Variants in ZNF615 observed in about 807,000 individuals in gnomAD.
ZNF615 encodes the protein zinc finger protein 615.
ZNF615 carries 15 observed loss-of-function variants against 15.3 expected under a neutral mutation model. The observed-to-expected ratio is 0.98, with a 90% confidence interval of 0.66 to 1.51. The LOEUF (loss-of-function observed/expected upper bound fraction) is 1.51. ZNF615 is among the 40% of genes most tolerant of loss of function. The pLI, the probability that ZNF615 is intolerant of heterozygous loss-of-function variation, is 0.00. For missense variants in ZNF615, 848 were observed against 895.9 expected (o/e 0.95, Z 0.68); for synonymous variants, 268 against 294.6 (o/e 0.91, Z 0.92).
Position 51,993,575 on chromosome 19 carries a change from C to T in ZNF615, c.1534G>A (p.Val512Met), listed in dbSNP as rs201982256. ...KGFTVKSRLI[V>M]HQRTHTGEKP... is the part of the protein sequence containing the mutation. The stretch of plus-strand genomic sequence containing the variant: ...TCTCCAGTATGAGTTCGCTGATGCA[C>T]AATAAGGCGGCTCTTCACAGTGAAG... Residue 512 changes from valine (V) to methionine (M), a missense_variant, in exon 7 of 7, where the codon GTG becomes ATG. Val to Met is a conservative substitution (Grantham distance 21, BLOSUM62 1). Transcript: ENST00000598071. 15 of 1,613,628 alleles carry T rather than the reference C, an allele frequency of 9.3e-6. No individual in the cohort carries two copies. The highest frequency in any genetic ancestry group is 5.0e-5 in the Admixed American group (3 of 59,942).
rs988101074 is a variant in ZNF615 at position 52,007,398 on chromosome 19, A to G, written c.-227-68T>C. On this transcript the variant is annotated intron_variant, in intron 1 of 6. Transcript: ENST00000598071. The stretch of plus-strand genomic sequence containing the variant: ...ACAAAGGGTAGAAGCCGCATCTTAA[A>G]TATAAAACATACTACTTTTAGGTAT... 10 of 928,764 alleles carry G rather than the reference A, an allele frequency of 1.1e-5. No homozygotes were observed. In the African/African-American group the frequency reaches 1.6e-4, roughly 15 times the overall value. 57.5% of individuals were successfully genotyped at this position (928,764 alleles called of 1,614,324 possible).
chr19:51,993,921 GTTC>G lies in ZNF615; in HGVS notation c.1185_1187del (p.Lys395del), dbSNP rs759587654. On this transcript the variant is annotated inframe_deletion, in exon 7 of 7. Coordinates refer to ENST00000598071, the MANE Select transcript of ZNF615 (RefSeq NM_001199324.2). ...GAGTTTGCTGATGTGTGATAAGACTGTTCTTCAAGGTGAAGCCTTTCCCACATT... is the reference window on the plus strand; with the variant it reads ...GAGTTTGCTGATGTGTGATAAGACTGTTCAAGGTGAAGCCTTTCCCACATT... The G allele has an allele frequency of 1.2e-6, 2 of 1,614,116 alleles. No homozygotes were observed.
chr19:52,006,695 C>T (rs951536456), intron 2 of ZNF615, among the ~76,000 whole-genome samples: 2 of 152,090 alleles, frequency 1.3e-5, no homozygotes, highest in African/African-American at 4.8e-5. Flanking sequence ...TGGATGAATA[C>T]TTAGAAAACC....
chr19:51,997,966 CTT>C, intron 6 of ZNF615, among the ~76,000 whole-genome samples: 1 of 152,088 alleles, frequency 6.6e-6, no homozygotes, highest in East Asian at 1.9e-4. Context: ...TCTTTCTATA[CTT>C]TTTATCTTTG....
chr19:51,994,979 A>T (rs1370983869), intron 6 of ZNF615, 142 bp from the exon 7 acceptor site: 2 of 860,904 alleles, frequency 2.3e-6, no homozygotes, highest in African/African-American at 3.5e-5. Context: ...GTGAGCAATA[A>T]AGCTTTTTAA....
Position 51,992,983 on chromosome 19 carries a change from T to G in ZNF615, c.2126A>C (p.His709Pro). Residue 709 changes from histidine (H) to proline (P), a missense_variant, in exon 7 of 7, where the codon CAT becomes CCT. His to Pro is a moderately conservative substitution (Grantham distance 77). Transcript: ENST00000598071. ...CCTCTCTCCTGTATGTTTTCTTTGA[T>G]GAACATTGAGCCCTGATTTTGTAGT... Reference protein sequence around the residue: ...AFTTKSGLNVHQRKHTGERPY... With the variant: ...AFTTKSGLNVPQRKHTGERPY... 6.2e-7 allele frequency: 1 copy of G among 1,614,230 alleles called. No homozygotes were observed. The highest frequency in any genetic ancestry group is 8.5e-7 in the Non-Finnish European group (1 of 1,180,034).
chr19:51,993,608 C>T lies in ZNF615; in HGVS notation c.1501G>A (p.Gly501Arg). ...CGGCTCTTCACAGTGAAGCCTTTTC[C>T]ACAATCATTGCATATATATGGCTTC... ...AEKPYICNDC[G>R]KGFTVKSRLI... The change falls in exon 7 of 7, where the codon GGA becomes AGA. Residue 501 changes from glycine (G) to arginine (R), a missense_variant. Transcript: ENST00000598071. 1 of 1,614,072 alleles carries T rather than the reference C, an allele frequency of 6.2e-7. No individual in the cohort carries two copies. The highest frequency in any genetic ancestry group is 8.5e-7 in the Non-Finnish European group (1 of 1,179,994).
At position 51,993,303 on chromosome 19, in the gene ZNF615, A is replaced by C. The variant is rs1363460988; in HGVS notation, c.1806T>G (p.Thr602=). The C allele has an allele frequency of 1.2e-6, 2 of 1,613,974 alleles. No homozygotes were observed. The highest frequency in any genetic ancestry group is 2.7e-5 in the African/African-American group (2 of 74,898). The change falls in exon 7 of 7, where the codon ACT becomes ACG. Residue 602 remains threonine (T), a synonymous_variant. Coordinates refer to ENST00000598071, the MANE Select transcript of ZNF615 (RefSeq NM_001199324.2). ...SMLIAHQRTH[T]GEKPYICNEC... is the part of the protein sequence containing the mutation. ...CATTGCATATATAAGGTTTCTCCCC[A>C]GTATGAGTTCGCTGATGTGCAATGA...
chr19:52,004,835 G>A (rs8109964), intron 2 of ZNF615: 63,415 of 152,096 alleles, frequency 0.42, 15,235 homozygotes, highest in African/African-American at 0.65. Flanking sequence ...TCCAGTGTAA[G>A]CAGAGGAGCA....
chr19:51,993,287 T>A lies in ZNF615; in HGVS notation c.1822A>T (p.Ile608Leu), dbSNP rs2086294356. The change falls in exon 7 of 7, where the codon ATA (isoleucine) becomes TTA (leucine). Residue 608 changes from isoleucine (I) to leucine (L), a missense_variant. Coordinates refer to ENST00000598071, the MANE Select transcript of ZNF615 (RefSeq NM_001199324.2). The stretch of plus-strand genomic sequence containing the variant: ...AAGCCCTTTCCACATTCATTGCATA[T>A]ATAAGGTTTCTCCCCAGTATGAGTT... ...QRTHTGEKPY[I>L]CNECGKGFTM... 1 of 1,614,156 alleles carries A rather than the reference T, an allele frequency of 6.2e-7. No individual in the cohort carries two copies. Among genetic ancestry groups the A allele is most frequent in the Non-Finnish European group, 8.5e-7 (1 of 1,180,024 alleles).
Position 52,008,155 on chromosome 19 carries a change from T to A in ZNF615, c.-242A>T, listed in dbSNP as rs1459360585. 2.6e-6 allele frequency: 4 copies of A among 1,535,428 alleles called. No homozygotes were observed. In the East Asian group the frequency reaches 9.8e-5, roughly 38 times the overall value. Reference sequence around the variant, plus strand: ...ACTGAACTTACTTCCCAGAACTTGGTGGGCTCCGGCCTCATCTCTCGGCCT... The same window carrying A: ...ACTGAACTTACTTCCCAGAACTTGGAGGGCTCCGGCCTCATCTCTCGGCCT... On this transcript the variant is annotated 5_prime_UTR_variant, in exon 1 of 7. Transcript: ENST00000598071.
At position 51,993,506 on chromosome 19, in the gene ZNF615, T is replaced by G. The variant is rs1231482297; in HGVS notation, c.1603A>C (p.Lys535Gln). 1 of 1,613,888 alleles carries G rather than the reference T, an allele frequency of 6.2e-7. No homozygotes were observed. The highest frequency in any genetic ancestry group is 1.7e-5 in the Admixed American group (1 of 59,978). The change falls in exon 7 of 7, where the codon AAG (lysine) becomes CAG (glutamine). Residue 535 changes from lysine to glutamine, a missense_variant. Coordinates refer to ENST00000598071, the MANE Select transcript of ZNF615 (RefSeq NM_001199324.2). Reference protein sequence around the residue: ...CGECGKGFPAKIRLMGHQRTH... With the variant: ...CGECGKGFPAQIRLMGHQRTH... ...CGTTGATGTCCCATTAGCCGGATCT[T>G]TGCTGGAAAGCCTTTTCCACACTCA... is the stretch of plus-strand genomic sequence containing the variant.
intron 3 of ZNF615, among the ~76,000 whole-genome samples, chr19:52,003,212 ATGT>A (rs1251726551): frequency 1.3e-5 from 2 of 152,208 alleles, no homozygotes; most frequent in African/African-American, 4.8e-5. Flanking sequence ...ATATATGTGT[ATGT>A]TATTAGACAG....
At chr19:51,999,000 A>G (rs2086519149) in intron 6 of ZNF615, among the ~76,000 whole-genome samples, 1 of 152,212 alleles carries the variant, frequency 6.6e-6, no homozygotes, top group Non-Finnish European at 1.5e-5. Context: ...AAGAAACATG[A>G]TTAACTGGGA....
chr19:52,000,466 G>C, intron 5 of ZNF615, 88 bp from the exon 6 acceptor site: 1 of 529,848 alleles, frequency 1.9e-6, no homozygotes, highest in South Asian at 3.0e-5. Flanking sequence ...GAGGGAAGAT[G>C]ATTCTTGTTC....
rs1289624258 is a variant in ZNF615 at position 51,993,227 on chromosome 19, T to G, written c.1882A>C (p.Thr628Pro). The G allele has an allele frequency of 1.2e-6, 2 of 1,614,208 alleles. No individual in the cohort carries two copies. The highest frequency in any genetic ancestry group is 8.5e-7 in the Non-Finnish European group (1 of 1,180,034). The change falls in exon 7 of 7, where the codon ACT (threonine) becomes CCT (proline). Residue 628 changes from threonine (T) to proline (P), a missense_variant. By Grantham distance (38) the Thr-to-Pro change is conservative (BLOSUM62 -1). Coordinates refer to ENST00000598071, the MANE Select transcript of ZNF615 (RefSeq NM_001199324.2). ...MKSTLSIHQQ[T>P]HTGEKPYKCN... ...TTGTATGGCTTCTCTCCAGTATGAG[T>G]TTGCTGATGTATACTGAGAGTACTC...
In ZNF615 at chr19:52,003,403, C is replaced by G. The variant is rs563073468; in HGVS notation, c.15+294G>C. ...CATTAACATCCCTCAAGAAACTGGT[C>G]TGCTTTCTCACAGTTGATATAACTT... is the stretch of plus-strand genomic sequence containing the variant. On this transcript the variant is annotated intron_variant, in intron 3 of 6. Transcript: ENST00000598071. 9.2e-5 allele frequency among the ~76,000 whole-genome samples: 14 copies of G among 152,254 alleles called. No homozygotes were observed. In the East Asian group the frequency reaches 2.7e-3, roughly 29 times the overall value.
chr19:51,999,865 A>G (rs942876268), intron 6 of ZNF615, among the ~76,000 whole-genome samples: 7 of 152,252 alleles, frequency 4.6e-5, no homozygotes, highest in Non-Finnish European at 1.0e-4. Flanking sequence ...CAGCATGTAG[A>G]AAACACTTAA....
At position 51,993,086 on chromosome 19, in the gene ZNF615, T is replaced by G; in HGVS notation, c.2023A>C (p.Lys675Gln). ...CTCTGATGTGTAATAAGATCATTTT[T>G]GCGCAAAGAGAATTTTCCACATTCA... ...CTECGKFSLRKNDLITHQRIH... is the reference protein window; with the variant it reads ...CTECGKFSLRQNDLITHQRIH... The change falls in exon 7 of 7, where the codon AAA (lysine) becomes CAA (glutamine). Residue 675 changes from lysine to glutamine, a missense_variant. Physicochemically the swap from Lys to Gln is moderately conservative, Grantham distance 53. Coordinates refer to ENST00000598071, the MANE Select transcript of ZNF615 (RefSeq NM_001199324.2). The G allele has an allele frequency of 6.2e-7, 1 of 1,614,214 alleles. No individual in the cohort carries two copies. The highest frequency in any genetic ancestry group is 1.1e-5 in the South Asian group (1 of 91,088).
Sources: gnomAD v4.1 joint callset for allele counts (sites outside exome capture counted in the v4.1 genomes callset) on GRCh38, gnomAD v4.1.1 for gene constraint, MANE v1.5 for transcripts, NCBI Gene and HGNC (gene_info 2026-07-23, HGNC 2026-07-21) for gene names.